Variants in NXPE2 observed in about 807,000 individuals in gnomAD.
The protein encoded by NXPE2 is NXPE family member 2.
In NXPE2, 34 loss-of-function variants were observed where a neutral mutation model predicts 34.4. The observed-to-expected ratio is 0.99, with a 90% confidence interval of 0.75 to 1.31. The LOEUF (loss-of-function observed/expected upper bound fraction) is 1.31. NXPE2 is among the 40% of genes most tolerant of loss of function. NXPE2 has a pLI of 0.00. For synonymous variants in NXPE2, 235 were observed against 231.3 expected, an observed-to-expected ratio of 1.02 and a Z score of -0.15; for missense variants, 649 against 672.5, an observed-to-expected ratio of 0.97 and a Z score of 0.39.
At chr11:114,725,974 A>ATAT in the NXPE2 span, among the ~76,000 whole-genome samples, 621 of 32,814 alleles carry the variant, frequency 0.019, 14 homozygotes, top group African/African-American at 0.039. Flanking sequence ...TAATAAAAAA[A>ATAT]AAATATATAT....
At chr11:114,541,518 T>C in the NXPE2 span, among the ~76,000 whole-genome samples, 1 of 152,344 alleles carries the variant, frequency 6.6e-6, no homozygotes, top group Admixed American at 6.5e-5. Context: ...CCACGACACG[T>C]GACACAGCCG....
At chr11:114,607,727 G>T in the NXPE2 span, among the ~76,000 whole-genome samples, 4 of 151,982 alleles carry the variant, frequency 2.6e-5, no homozygotes, top group Admixed American at 6.6e-5. Context: ...TTGCCTCGTG[G>T]GTAACCACAG....
the NXPE2 span, among the ~76,000 whole-genome samples, chr11:114,636,106 GT>G: frequency 4.7e-5 from 6 of 126,472 alleles, no homozygotes; most frequent in African/African-American, 1.7e-4. Context: ...GGACTCTTTC[GT>G]TGGTAAGCTA....
At chr11:114,755,524 A>G in the NXPE2 span, among the ~76,000 whole-genome samples, 1 of 152,212 alleles carries the variant, frequency 6.6e-6, no homozygotes, top group Non-Finnish European at 1.5e-5. Context: ...CCAACACATT[A>G]GTATCTTAAA....
At chr11:114,694,041 T>A (rs1591436555) in intron 2 of NXPE2, among the ~76,000 whole-genome samples, 1 of 152,330 alleles carries the variant, frequency 6.6e-6, no homozygotes, top group Admixed American at 6.5e-5. Flanking sequence ...AGAGACTCTG[T>A]TTTCCTTGGC....
At chr11:114,583,331 G>A in the NXPE2 span, 3 of 620,626 alleles carry the variant, frequency 4.8e-6, no homozygotes, top group Non-Finnish European at 9.2e-6. Context: ...TTATGGACAA[G>A]CCCACCCAAG....
At chr11:114,491,482 T>C in the NXPE2 span, among the ~76,000 whole-genome samples, 1 of 152,072 alleles carries the variant, frequency 6.6e-6, no homozygotes, top group African/African-American at 2.4e-5. Context: ...CCAGTTAGAA[T>C]GGCGATCATT....
At chr11:114,699,880 G>A (rs2135563315) in intron 3 of NXPE2, among the ~76,000 whole-genome samples, 1 of 150,410 alleles carries the variant, frequency 6.6e-6, no homozygotes, top group South Asian at 2.1e-4. Context: ...TGCAACCTCC[G>A]CCTCCTGGGT....
chr11:114,794,325 A>T, the NXPE2 span, among the ~76,000 whole-genome samples: 1 of 152,030 alleles, frequency 6.6e-6, no homozygotes, highest in Non-Finnish European at 1.5e-5. Context: ...CTGCTTGTTC[A>T]TATTGCAATA....
downstream of NXPE2, among the ~76,000 whole-genome samples, chr11:114,708,551 C>G (rs866030176): frequency 6.6e-6 from 1 of 151,146 alleles, no homozygotes; most frequent in East Asian, 1.9e-4. Flanking sequence ...AAGTTTGGGT[C>G]GTCAGGAGGT....
the NXPE2 span, chr11:114,584,382 A>G: frequency 3.0e-6 from 1 of 338,056 alleles, no homozygotes; most frequent in South Asian, 2.8e-5. Context: ...AGGCCCATCC[A>G]CCTGCAGTCC....
the NXPE2 span, chr11:114,582,470 G>T: frequency 6.2e-7 from 1 of 1,614,174 alleles, no homozygotes; most frequent in Non-Finnish European, 8.5e-7. Flanking sequence ...CACATTCAGA[G>T]TGGACTTGGG....
At chr11:114,779,832 C>A in the NXPE2 span, among the ~76,000 whole-genome samples, 1 of 152,146 alleles carries the variant, frequency 6.6e-6, no homozygotes, top group Non-Finnish European at 1.5e-5. Flanking sequence ...CTTCCCCTCC[C>A]TTCACCTTTT....
At chr11:114,765,836 CTTGGGCCTCTCT>C in the NXPE2 span, among the ~76,000 whole-genome samples, 12 of 152,152 alleles carry the variant, frequency 7.9e-5, no homozygotes, top group Non-Finnish European at 1.3e-4. Flanking sequence ...AGTGCTTCTC[CTTGGGCCTCTCT>C]GCCCAATTCT....
At chr11:114,594,283 C>T in the NXPE2 span, among the ~76,000 whole-genome samples, 2 of 152,108 alleles carry the variant, frequency 1.3e-5, no homozygotes, top group African/African-American at 4.8e-5. Context: ...ATCAAAATAT[C>T]TCATCTACCC....
chr11:114,706,557 A>G lies in NXPE2; in HGVS notation c.1307A>G (p.Asp436Gly). The change falls in exon 6 of 6, where the codon GAC becomes GGC. Residue 436 changes from aspartate (D) to glycine (G), a missense_variant. Physicochemically the swap from Asp to Gly is moderately conservative, Grantham distance 94. Coordinates refer to ENST00000389586, the MANE Select transcript of NXPE2 (RefSeq NM_182495.6). ...KDENYIPREI[D>G]QVAGDKNTAI... Reference sequence around the variant, plus strand: ...GAAAACTATATCCCACGGGAAATTGACCAGGTAGCAGGAGACAAAAACACA... The same window carrying G: ...GAAAACTATATCCCACGGGAAATTGGCCAGGTAGCAGGAGACAAAAACACA... The G allele has an allele frequency of 6.4e-7, 1 of 1,551,924 alleles. No individual in the cohort carries two copies.
chr11:114,633,625 C>A, the NXPE2 span, among the ~76,000 whole-genome samples: 1 of 151,076 alleles, frequency 6.6e-6, no homozygotes, highest in South Asian at 2.1e-4. Context: ...TGCCCCCAGC[C>A]CACAACTGTC....
chr11:114,729,040 T>C, the NXPE2 span, among the ~76,000 whole-genome samples: 1 of 152,108 alleles, frequency 6.6e-6, no homozygotes, highest in Admixed American at 6.6e-5. Context: ...TTGAGCATGG[T>C]ACCCAATAGT....
At chr11:114,557,674 A>T in the NXPE2 span, among the ~76,000 whole-genome samples, 78 of 129,356 alleles carry the variant, frequency 6.0e-4, 1 homozygote, top group African/African-American at 1.9e-3. Context: ...TATATATATA[A>T]AATCCTTGTT....
Sources: allele counts gnomAD v4.1 joint callset (sites outside exome capture counted in the v4.1 genomes callset), GRCh38; gene constraint gnomAD v4.1.1; transcripts MANE v1.5; gene names NCBI Gene and HGNC (gene_info 2026-07-23, HGNC 2026-07-21).